The following CSTF1 variants were observed in gnomAD, a reference collection of about 807,000 sequenced individuals.
CSTF1 encodes the protein CF-1 50 kDa subunit.
A neutral mutation model predicts 40.9 loss-of-function variants in CSTF1; 2 were observed. The ratio of observed to expected loss-of-function variants is 0.05; its 90% CI spans 0.02 to 0.15. The LOEUF (loss-of-function observed/expected upper bound fraction) is 0.15, where lower values mean the gene tolerates loss of function less well. Among genes scored for constraint, CSTF1 ranks in the 10% least tolerant of loss-of-function variants. CSTF1 has a pLI of 1.00. For synonymous variants in CSTF1, 218 were observed against 207.2 expected (o/e 1.05, Z -0.45); for missense variants, 279 against 558.9 (o/e 0.50, Z 5.05).
rs1476028139 is a variant in CSTF1 at position 56,406,017 on chromosome 20, A to G, written c.*2290A>G. The G allele has an allele frequency of 6.6e-6, 1 of 152,274 alleles. No individual in the cohort carries two copies. Among genetic ancestry groups the G allele is most frequent in the African/African-American group, 2.4e-5 (1 of 41,476 alleles). 9.4% of individuals were successfully genotyped at this position (152,274 alleles called of 1,614,324 possible). On this transcript the variant is annotated 3_prime_UTR_variant, in exon 6 of 6. Coordinates refer to ENST00000217109, the MANE Select transcript of CSTF1 (RefSeq NM_001324.3). ...GCCCATGTTTTACAGTTTTTCGAGT[A>G]GTCTCAGCAATGGATCTGTAGTTTC...
intron 2 of CSTF1, among the ~76,000 whole-genome samples, chr20:56,396,488 CTTGA>C (rs1231939950): frequency 2.0e-5 from 3 of 152,212 alleles, no homozygotes; most frequent in Admixed American, 6.5e-5. Flanking sequence ...TTTTGTTCTG[CTTGA>C]TTAAGTGAAC....
chr20:56,406,360 TGATAA>T (rs1207038712), exon 6 of CSTF1: 1 of 152,134 alleles, frequency 6.6e-6, no homozygotes, highest in Non-Finnish European at 1.5e-5. Flanking sequence ...TTATATACAA[TGATAA>T]GCTAGTTTAT....
Position 56,397,806 on chromosome 20 carries a change from A to AAAT in CSTF1, c.612_613insTAA (p.Lys204_Pro205insTer), listed in dbSNP as rs1987560322. 1 of 1,614,004 alleles carries AAAT rather than the reference A, an allele frequency of 6.2e-7. No individual in the cohort carries two copies. Among genetic ancestry groups the AAAT allele is most frequent in the African/African-American group, 1.3e-5 (1 of 74,946 alleles). On this transcript the variant is annotated stop_gained and inframe_insertion, in exon 4 of 6. Coordinates refer to ENST00000217109, the MANE Select transcript of CSTF1 (RefSeq NM_001324.3). LOFTEE classifies it high-confidence loss of function. The surrounding 1 kb of genome is among the most constrained non-coding windows in gnomAD (Gnocchi z 4.4). Reference sequence around the variant, plus strand: ...TACTCTTAAATTATTTGATTATTCCAAACCATCAGCAAAAAGAGCCTTCAA... The same window carrying AAAT: ...TACTCTTAAATTATTTGATTATTCCAAATAACCATCAGCAAAAAGAGCCTTCAA...
intron 2 of CSTF1, chr20:56,395,935 C>T (rs1054377410): frequency 3.9e-6 from 2 of 519,334 alleles, no homozygotes; most frequent in African/African-American, 3.9e-5. Flanking sequence ...TGGTTCTGGC[C>T]TGAGGGTCTT....
chr20:56,393,760 C>A, intron 1 of CSTF1, among the ~76,000 whole-genome samples: 1 of 152,114 alleles, frequency 6.6e-6, no homozygotes, highest in Non-Finnish European at 1.5e-5. Flanking sequence ...TGGGTGGTGT[C>A]AGCCTCTAAT....
Position 56,399,113 on chromosome 20 carries a change from T to G in CSTF1, c.792T>G (p.Ala264=). Residue 264 remains alanine (A), a synonymous_variant, in exon 5 of 6, where the codon GCT becomes GCG. Transcript: ENST00000217109. The surrounding 1 kb of genome is among the most constrained non-coding windows in gnomAD (Gnocchi z 4.6). ...SCNPQDQHTD[A]ICSVNYNSSA... Reference sequence around the variant, plus strand: ...ATCCTCAAGATCAACACACCGATGCTATATGTTCCGTTAATTACAATTCTA... The same window carrying G: ...ATCCTCAAGATCAACACACCGATGCGATATGTTCCGTTAATTACAATTCTA... The G allele has an allele frequency of 6.2e-7, 1 of 1,614,244 alleles. No individual in the cohort carries two copies. Among genetic ancestry groups the G allele is most frequent in the Non-Finnish European group, 8.5e-7 (1 of 1,180,048 alleles).
At chr20:56,396,844 C>G (rs1010912090) in intron 2 of CSTF1, 21 of 180,660 alleles carry the variant, frequency 1.2e-4, no homozygotes, top group Admixed American at 8.7e-4. Context: ...GCTAATATAT[C>G]TCAACCCTAA....
intron 5 of CSTF1, among the ~76,000 whole-genome samples, chr20:56,400,767 G>A (rs569844938): frequency 3.3e-5 from 5 of 152,276 alleles, no homozygotes; most frequent in East Asian, 1.9e-4. Context: ...TGGGCCAGGC[G>A]CGGTGGCTCA....
Position 56,397,858 on chromosome 20 carries a change from A to T in CSTF1, c.645+17A>T. On this transcript the variant is annotated intron_variant, in intron 4 of 5. Transcript: ENST00000217109. This position sits in a 1 kb window ranked among gnomAD's most constrained non-coding sequence, Gnocchi z 4.4. ...TACATTCAGGTAGGAATCTTTAGAA[A>T]GGAGCTTTACATTTTTTCTTAAATA... The T allele has an allele frequency of 6.3e-7, 1 of 1,578,590 alleles. No homozygotes were observed. Among genetic ancestry groups the T allele is most frequent in the Non-Finnish European group, 8.7e-7 (1 of 1,151,716 alleles).
At chr20:56,393,828 T>G (rs1569111808) in intron 1 of CSTF1, among the ~76,000 whole-genome samples, 1 of 152,064 alleles carries the variant, frequency 6.6e-6, no homozygotes, top group Non-Finnish European at 1.5e-5. Flanking sequence ...ACAATTGAGG[T>G]ATTTTTGGAG....
In CSTF1 at chr20:56,399,237, G is replaced by A. The variant is rs144224635; in HGVS notation, c.916G>A (p.Gly306Ser). Residue 306 changes from glycine to serine, a missense_variant, in exon 5 of 6, where the codon GGT (glycine) becomes AGT (serine). Physicochemically the swap from Gly to Ser is moderately conservative, Grantham distance 56. Around this residue, in one of 4 missense-constraint regions of CSTF1, gnomAD observed 162 missense variants for 337.1 expected, o/e 0.48. Transcript: ENST00000217109. The surrounding 1 kb of genome is among the most constrained non-coding windows in gnomAD (Gnocchi z 4.6). Reference sequence around the variant, plus strand: ...CACAACTTTTGAGAAAGCACATGACGGTGCTGAAGTTTGTTCTGCCATTTT... The same window carrying A: ...CACAACTTTTGAGAAAGCACATGACAGTGCTGAAGTTTGTTCTGCCATTTT... ...CITTFEKAHD[G>S]AEVCSAIFSK... 8.1e-6 allele frequency: 13 copies of A among 1,614,026 alleles called. No homozygotes were observed. Among genetic ancestry groups the A allele is most frequent in the South Asian group, 2.2e-5 (2 of 91,086 alleles).
rs138432721 is a variant in CSTF1, at chr20:56,399,724, T to C, written c.1036+367T>C. On this transcript the variant is annotated intron_variant, in intron 5 of 5. Transcript: ENST00000217109. The surrounding 1 kb of genome is among the most constrained non-coding windows in gnomAD (Gnocchi z 4.6). ...CAATAGTAGATCTCAGTATTATTAA[T>C]ATATGTATTCATGAAAGAATGGCTG... Among the ~76,000 whole-genome samples, 8 of 152,334 alleles carry C rather than the reference T, an allele frequency of 5.3e-5. 1 individual carries two copies. Among genetic ancestry groups the C allele is most frequent in the African/African-American group, 1.4e-4 (6 of 41,572 alleles).
chr20:56,395,822 G>C, intron 2 of CSTF1, 101 bp downstream of exon 2: 2 of 1,281,524 alleles, frequency 1.6e-6, no homozygotes, highest in Non-Finnish European at 2.2e-6. Flanking sequence ...TCAGTACCTA[G>C]TATGAGCCGG....
chr20:56,404,736 C>G lies in CSTF1; in HGVS notation c.*1009C>G, dbSNP rs1428397089. ...TCTCAGCTCACTGCAAGCTCCGCCT[C>G]CTGGTTTCACACCATTTTCCTGCCT... is the stretch of plus-strand genomic sequence containing the variant. On this transcript the variant is annotated 3_prime_UTR_variant, in exon 6 of 6. Coordinates refer to ENST00000217109, the MANE Select transcript of CSTF1 (RefSeq NM_001324.3). 6.6e-6 allele frequency: 1 copy of G among 150,962 alleles called. No homozygotes were observed. Among genetic ancestry groups the G allele is most frequent in the Non-Finnish European group, 1.5e-5 (1 of 67,942 alleles). 9.4% of individuals were successfully genotyped at this position (150,962 alleles called of 1,614,324 possible).
intron 5 of CSTF1, among the ~76,000 whole-genome samples, chr20:56,400,969 G>A (rs1157171368): frequency 1.3e-5 from 2 of 152,176 alleles, no homozygotes; most frequent in African/African-American, 4.8e-5. Flanking sequence ...AACCTGGGAG[G>A]TGGAGGTTGC....
intron 5 of CSTF1, among the ~76,000 whole-genome samples, chr20:56,403,029 A>G (rs1451761619): frequency 1.3e-5 from 2 of 151,634 alleles, no homozygotes; most frequent in East Asian, 3.8e-4. Context: ...AAACATGGAA[A>G]AATGTACTCA....
At position 56,399,449 on chromosome 20, in the gene CSTF1, T is replaced by A; in HGVS notation, c.1036+92T>A. 1 of 1,148,298 alleles carries A rather than the reference T, an allele frequency of 8.7e-7. No homozygotes were observed. Among genetic ancestry groups the A allele is most frequent in the Non-Finnish European group, 1.2e-6 (1 of 808,370 alleles). The allele number at this position is 1,148,298 out of a possible 1,614,324, so 71.1% of individuals were successfully genotyped here. A position where few individuals can be genotyped will look rare whatever the true frequency, so the allele number is the denominator to read the frequency against. On this transcript the variant is annotated intron_variant, in intron 5 of 5. Coordinates refer to ENST00000217109, the MANE Select transcript of CSTF1 (RefSeq NM_001324.3). This position sits in a 1 kb window ranked among gnomAD's most constrained non-coding sequence, Gnocchi z 4.6. ...GACCTCACAATAGAGCAACACAATA[T>A]CTATGCATTGAGCAAGGCAGATGTT...
In CSTF1 at chr20:56,399,457, T is replaced by C. The variant is rs1978360410; in HGVS notation, c.1036+100T>C. The stretch of plus-strand genomic sequence containing the variant: ...AATAGAGCAACACAATATCTATGCA[T>C]TGAGCAAGGCAGATGTTACCCTTTC... On this transcript the variant is annotated intron_variant, in intron 5 of 5. Coordinates refer to ENST00000217109, the MANE Select transcript of CSTF1 (RefSeq NM_001324.3). The surrounding 1 kb of genome is among the most constrained non-coding windows in gnomAD (Gnocchi z 4.6). The C allele has an allele frequency of 2.8e-6, 3 of 1,085,780 alleles. No homozygotes were observed. Among genetic ancestry groups the C allele is most frequent in the East Asian group, 4.8e-5 (2 of 42,018 alleles). 67.3% of individuals were successfully genotyped at this position (1,085,780 alleles called of 1,614,324 possible).
In CSTF1 at chr20:56,397,004, AC is replaced by A; in HGVS notation, c.170-200del. On this transcript the variant is annotated intron_variant, in intron 2 of 5. Transcript: ENST00000217109. This position sits in a 1 kb window ranked among gnomAD's most constrained non-coding sequence, Gnocchi z 4.4. ...TCTATTGGAGCCTAACCTTCCAGCA[AC>A]CCATGTGGCCTCACAGCGTGGTGAA... is the stretch of plus-strand genomic sequence containing the variant. 1 of 559,052 alleles carries A rather than the reference AC, an allele frequency of 1.8e-6. No individual in the cohort carries two copies. Among genetic ancestry groups the A allele is most frequent in the Non-Finnish European group, 3.1e-6 (1 of 321,766 alleles). The allele number at this position is 559,052 out of a possible 1,614,324, so 34.6% of individuals were successfully genotyped here. A position where few individuals can be genotyped will look rare whatever the true frequency, so the allele number is the denominator to read the frequency against.
Sources: allele counts gnomAD v4.1 joint callset (sites outside exome capture counted in the v4.1 genomes callset), GRCh38; gene constraint gnomAD v4.1.1; regional missense constraint gnomAD v4.1.1; non-coding constraint Gnocchi (gnomAD v3.1); transcripts MANE v1.5; gene names NCBI Gene and HGNC (gene_info 2026-07-23, HGNC 2026-07-21).